Variants in SLC22A8 observed in about 807,000 individuals in gnomAD.
SLC22A8 encodes the protein solute carrier family 22 member 8, also known as organic anion transporter 3.
Under a neutral mutation model 48.4 loss-of-function variants are expected in SLC22A8, and 40 were observed. The observed-to-expected ratio is 0.83, with a 90% CI of 0.64 to 1.08. SLC22A8 has a LOEUF of 1.08. SLC22A8 is among the 50% of genes least tolerant of loss of function. The pLI is 0.00. For synonymous variants in SLC22A8, 268 were observed against 286.3 expected (o/e 0.94, Z 0.65); for missense variants, 606 against 699.0 (o/e 0.87, Z 1.50).
At position 63,007,232 on chromosome 11, in the gene SLC22A8, C is replaced by G. The variant is rs141336455; in HGVS notation, c.334-6409G>C. Among the ~76,000 whole-genome samples, 1,253 of 152,310 alleles carry G rather than the reference C, an allele frequency of 8.2e-3. 21 individuals are homozygous for G. Among genetic ancestry groups the G allele is most frequent in the African/African-American group, 0.029 (1,194 of 41,554 alleles). On this transcript the variant is annotated intron_variant, in intron 2 of 10. Transcript: ENST00000336232. The stretch of plus-strand genomic sequence containing the variant: ...CTTGTTGGTTGAACAGAGCCAGTTA[C>G]TCAACCTCCTGGTGGTTCTGTTTAG...
At chr11:62,993,668 G>T (rs1255014064) in intron 9 of SLC22A8, 41 bp from the exon 10 acceptor site, 1 of 1,599,558 alleles carries the variant, frequency 6.3e-7, no homozygotes, top group South Asian at 1.1e-5. Flanking sequence ...CTGTGTGTGG[G>T]GTTCATAAAG....
chr11:63,004,307 C>A (rs1371647490), intron 2 of SLC22A8, among the ~76,000 whole-genome samples: 1 of 152,192 alleles, frequency 6.6e-6, no homozygotes, highest in Non-Finnish European at 1.5e-5. Context: ...TGAATCCTTA[C>A]AATGGCTTAC....
intron 3 of SLC22A8, among the ~76,000 whole-genome samples, chr11:63,000,447 G>A (rs1341160755): frequency 1.4e-5 from 2 of 146,588 alleles, no homozygotes; most frequent in South Asian, 2.1e-4. Context: ...TTGTGCCATC[G>A]CACTCCAGCC....
chr11:62,994,920 C>G (rs1196355602), intron 7 of SLC22A8, 164 bp from the exon 8 acceptor site: 9 of 649,378 alleles, frequency 1.4e-5, no homozygotes, highest in Admixed American at 2.2e-5. Flanking sequence ...GAGATCGTGT[C>G]TGGGCTCAGG....
Position 62,999,758 on chromosome 11 carries a change from G to A in SLC22A8, c.522C>T (p.Pro174=), listed in dbSNP as rs2086468545. ...ACAGGAAGCGGAAGACCATGTAGAT[G>A]GGGAAGGTGGGGCTGAAGGCTGCAC... ...GSGAAFSPTF[P]IYMVFRFLCG... Residue 174 remains proline (P), a synonymous_variant, in exon 4 of 11, where the codon CCC becomes CCT. Coordinates refer to ENST00000336232, the MANE Select transcript of SLC22A8 (RefSeq NM_004254.4). 1.2e-6 allele frequency: 2 copies of A among 1,607,866 alleles called. No individual in the cohort carries two copies. The highest frequency in any genetic ancestry group is 1.7e-6 in the Non-Finnish European group (2 of 1,177,000).
chr11:63,002,982 T>C (rs567171457), intron 2 of SLC22A8, among the ~76,000 whole-genome samples: 5 of 152,296 alleles, frequency 3.3e-5, no homozygotes, highest in Admixed American at 2.6e-4. Flanking sequence ...GCCTCATCCC[T>C]TCCTAGCCAT....
At chr11:62,997,020 C>A (rs2135120744) in intron 5 of SLC22A8, among the ~76,000 whole-genome samples, 1 of 152,274 alleles carries the variant, frequency 6.6e-6, no homozygotes, top group East Asian at 1.9e-4. Context: ...ACTCCTCCTG[C>A]CCTGATGGTC....
chr11:62,995,441 G>C (rs573716655), intron 7 of SLC22A8: 314 of 530,502 alleles, frequency 5.9e-4, no homozygotes, highest in African/African-American at 5.4e-3. Flanking sequence ...TGTGAGCTGG[G>C]GAAGGGGCCT....
chr11:62,996,184 T>G (rs757742030), intron 5 of SLC22A8, 32 bp from the exon 6 acceptor site: 1 of 1,566,928 alleles, frequency 6.4e-7, no homozygotes. Flanking sequence ...CAGTGGCTCC[T>G]CCCACTCCAG....
In SLC22A8 at chr11:62,993,537, G is replaced by A. The variant is rs2086369991; in HGVS notation, c.1416C>T (p.Phe472=). 3.7e-6 allele frequency: 6 copies of A among 1,614,194 alleles called. No homozygotes were observed. Among genetic ancestry groups the A allele is most frequent in the African/African-American group, 1.3e-5 (1 of 75,040 alleles). The change falls in exon 10 of 11, where the codon TTC becomes TTT. Residue 472 remains phenylalanine, a synonymous_variant. Transcript: ENST00000336232. ...TGATCCCGTAGATGATATTGGGGAT[G>A]AAGGGCTGTACCTCACCCGTGATTT... is the stretch of plus-strand genomic sequence containing the variant. The part of the protein sequence containing the change: ...LVKITGEVQP[F]IPNIIYGITA...
chr11:62,998,066 C>T lies in SLC22A8; in HGVS notation c.761+855G>A, dbSNP rs183618599. On this transcript the variant is annotated intron_variant, in intron 5 of 10. Transcript: ENST00000336232. ...TCTCAGGTTCAAGTGATTCTCCTGC[C>T]TCGGCCTCCTGAGTAGCTGGGATTA... 5.5e-3 allele frequency among the ~76,000 whole-genome samples: 840 copies of T among 152,242 alleles called. 7 individuals are homozygous for T. The highest frequency in any genetic ancestry group is 9.4e-3 in the Non-Finnish European group (639 of 68,026).
chr11:62,993,153 G>T lies in SLC22A8; in HGVS notation c.*84C>A, dbSNP rs949004176. ...CAGAAGGCTTCATCCTAGGAGGATG[G>T]ACCTATATGGGGCCTCCCTATACTC... On this transcript the variant is annotated 3_prime_UTR_variant, in exon 11 of 11. Coordinates refer to ENST00000336232, the MANE Select transcript of SLC22A8 (RefSeq NM_004254.4). The T allele has an allele frequency of 6.1e-6, 6 of 978,580 alleles. No homozygotes were observed. The African/African-American group carries it at 6.5e-5, about 11-fold the overall frequency. 60.6% of individuals were successfully genotyped at this position (978,580 alleles called of 1,614,324 possible). A position where few individuals can be genotyped will look rare whatever the true frequency, so the allele number is the denominator to read the frequency against.
intron 2 of SLC22A8, 73 bp from the exon 3 acceptor site, chr11:63,000,896 T>A: frequency 2.5e-6 from 3 of 1,178,668 alleles, no homozygotes; most frequent in Non-Finnish European, 2.5e-6. Context: ...GCCTGTGGCC[T>A]CATACATGTG....
In SLC22A8 at chr11:63,014,688, C is replaced by A. The variant is rs1301652904; in HGVS notation, c.271G>T (p.Ala91Ser). The A allele has an allele frequency of 6.2e-7, 1 of 1,613,644 alleles. No homozygotes were observed. The highest frequency in any genetic ancestry group is 2.2e-5 in the East Asian group (1 of 44,878). The change falls in exon 2 of 11, where the codon GCC becomes TCC. Residue 91 changes from alanine (A) to serine (S), a missense_variant. Physicochemically the swap from Ala to Ser is moderately conservative, Grantham distance 99 (BLOSUM62 1). Transcript: ENST00000336232. ...CAGCCATCCAGGCATGGCTCCATGG[C>A]CCTCTGGGTGTCATTGGGCAGGCTG... ...NASLPNDTQR[A>S]MEPCLDGWVY...
intron 2 of SLC22A8, among the ~76,000 whole-genome samples, chr11:63,005,340 A>G (rs2086542048): frequency 6.6e-6 from 1 of 152,208 alleles, no homozygotes; most frequent in South Asian, 2.1e-4. Context: ...TAAAGTAGGT[A>G]CTCGTGTTAT....
intron 4 of SLC22A8, 146 bp from the exon 5 acceptor site, chr11:62,999,235 C>T: frequency 1.5e-6 from 1 of 665,338 alleles, no homozygotes; most frequent in Non-Finnish European, 2.6e-6. Flanking sequence ...GGTCTTCCTG[C>T]TGTTCTGATG....
At chr11:63,010,521 T>C (rs997018138) in intron 2 of SLC22A8, among the ~76,000 whole-genome samples, 1 of 152,210 alleles carries the variant, frequency 6.6e-6, no homozygotes, top group African/African-American at 2.4e-5. Flanking sequence ...GGACTTGTTA[T>C]GGCTGAACCA....
At chr11:63,011,957 G>C (rs1245151641) in intron 2 of SLC22A8, among the ~76,000 whole-genome samples, 2 of 151,778 alleles carry the variant, frequency 1.3e-5, no homozygotes, top group African/African-American at 4.8e-5. Flanking sequence ...CCTTCCCCTG[G>C]AAACTGCAAT....
chr11:62,994,362 A>G, intron 8 of SLC22A8, 180 bp downstream of exon 8: 2 of 608,014 alleles, frequency 3.3e-6, no homozygotes, highest in Non-Finnish European at 5.8e-6. Context: ...TCTGGAAAGG[A>G]GCTTTCATGT....
Sources: gnomAD v4.1 joint callset for allele counts (sites outside exome capture counted in the v4.1 genomes callset) on GRCh38, gnomAD v4.1.1 for gene constraint, MANE v1.5 for transcripts, NCBI Gene and HGNC (gene_info 2026-07-23, HGNC 2026-07-21) for gene names.